CEP83: variants seen among roughly 807,000 people sequenced by gnomAD.
CEP83 encodes centrosomal protein of 83 kDa.
CEP83 carries 70 observed loss-of-function variants against 101.9 expected under a neutral mutation model. That is an observed-to-expected ratio of 0.69 (90% CI 0.57 to 0.84). The LOEUF (loss-of-function observed/expected upper bound fraction) is 0.84. CEP83 is among the 40% of genes least tolerant of loss of function. The probability of loss-of-function intolerance (pLI) is 0.00; values close to 1 mark genes in which losing one functional copy is unlikely to be tolerated. For synonymous variants in CEP83, 264 were observed against 267.9 expected, an observed-to-expected ratio of 0.99 and a Z score of 0.14; for missense variants, 715 against 787.2, an observed-to-expected ratio of 0.91 and a Z score of 1.10.
At chr12:94,360,145 T>C (rs1471026901) in intron 11 of CEP83, among the ~76,000 whole-genome samples, 3 of 152,112 alleles carry the variant, frequency 2.0e-5, no homozygotes, top group African/African-American at 7.2e-5. Context: ...GAATACCATA[T>C]ATGACAAAAC....
intron 6 of CEP83, among the ~76,000 whole-genome samples, chr12:94,385,511 T>C (rs1481288136): frequency 6.6e-6 from 1 of 152,140 alleles, no homozygotes; most frequent in Non-Finnish European, 1.5e-5. Context: ...TGTCTTTGTC[T>C]GGTTTTGGTA....
At chr12:94,407,436 G>A (rs550350639) in intron 4 of CEP83, among the ~76,000 whole-genome samples, 1 of 152,308 alleles carries the variant, frequency 6.6e-6, no homozygotes, top group South Asian at 2.1e-4. Flanking sequence ...GTAGAGTGAT[G>A]TAGCTGCACA....
chr12:94,370,110 G>A, intron 8 of CEP83, 74 bp from the exon 9 acceptor site: 1 of 835,286 alleles, frequency 1.2e-6, no homozygotes. Context: ...AAACATAAGT[G>A]GAAACAAGAA....
chr12:94,275,370 G>A, the CEP83 span, among the ~76,000 whole-genome samples: 3 of 152,190 alleles, frequency 2.0e-5, no homozygotes, highest in Non-Finnish European at 2.9e-5. Context: ...GAGAGATGGC[G>A]CTTCCATCGA....
At chr12:94,399,384 T>A (rs2063112560) in intron 6 of CEP83, among the ~76,000 whole-genome samples, 1 of 152,208 alleles carries the variant, frequency 6.6e-6, no homozygotes, top group African/African-American at 2.4e-5. Context: ...ATAAATTCAC[T>A]TATCTTGTGC....
At chr12:94,373,085 T>C (rs1409479822) in intron 8 of CEP83, among the ~76,000 whole-genome samples, 2 of 152,220 alleles carry the variant, frequency 1.3e-5, no homozygotes, top group African/African-American at 2.4e-5. Context: ...GTTCTTAATC[T>C]TCTTTGTGAT....
At chr12:94,349,317 A>G (rs377408007) in intron 11 of CEP83, among the ~76,000 whole-genome samples, 1 of 151,530 alleles carries the variant, frequency 6.6e-6, no homozygotes, top group African/African-American at 2.4e-5. Flanking sequence ...AAAAGTTTGT[A>G]GAATCCCGAA....
At chr12:94,290,144 T>C in the CEP83 span, among the ~76,000 whole-genome samples, 1 of 152,210 alleles carries the variant, frequency 6.6e-6, no homozygotes, top group African/African-American at 2.4e-5. Flanking sequence ...ATGGGAGACA[T>C]TTGGGATTCA....
At chr12:94,398,525 G>A (rs2063043181) in intron 6 of CEP83, among the ~76,000 whole-genome samples, 1 of 152,106 alleles carries the variant, frequency 6.6e-6, no homozygotes, top group Admixed American at 6.5e-5. Flanking sequence ...ATAAGCTGAG[G>A]ATGTACATCA....
intron 11 of CEP83, among the ~76,000 whole-genome samples, chr12:94,339,529 C>CATCT (rs1417470172): frequency 1.3e-5 from 2 of 152,144 alleles, no homozygotes; most frequent in African/African-American, 2.4e-5. Flanking sequence ...TTTCAACAGT[C>CATCT]ATCTGTGACT....
intron 1 of CEP83, among the ~76,000 whole-genome samples, chr12:94,438,790 A>G (rs1416027129): frequency 6.6e-6 from 1 of 152,252 alleles, no homozygotes; most frequent in African/African-American, 2.4e-5. Flanking sequence ...ACAAGTCTCA[A>G]TAAATTTAAG....
chr12:94,304,028 T>TA, downstream of CEP83: 1 of 1,569,006 alleles, frequency 6.4e-7, no homozygotes, highest in Non-Finnish European at 8.8e-7. Flanking sequence ...AATTTACAAA[T>TA]ACATCGTAAA....
intron 6 of CEP83, among the ~76,000 whole-genome samples, chr12:94,380,424 A>C (rs545340010): frequency 6.6e-6 from 1 of 152,292 alleles, no homozygotes; most frequent in East Asian, 1.9e-4. Flanking sequence ...TGGCATTTAG[A>C]GTTAAGTCCT....
At chr12:94,333,756 C>A (rs1178473199) in intron 12 of CEP83, 117 bp from the exon 13 acceptor site, 4 of 883,536 alleles carry the variant, frequency 4.5e-6, no homozygotes, top group Non-Finnish European at 6.9e-6. Context: ...GCTGGTGTGT[C>A]CTTGGAGATG....
At position 94,331,803 on chromosome 12, in the gene CEP83, C is replaced by A. The variant is rs1593201543; in HGVS notation, c.1604G>T (p.Trp535Leu). The A allele has an allele frequency of 5.6e-6, 9 of 1,613,014 alleles. No individual in the cohort carries two copies. Among genetic ancestry groups the A allele is most frequent in the African/African-American group, 1.3e-5 (1 of 75,020 alleles). The change falls in exon 14 of 17, where the codon TGG (tryptophan) becomes TTG (leucine). Residue 535 changes from tryptophan to leucine, a missense_variant. By Grantham distance (61) the Trp-to-Leu change is moderately conservative. Transcript: ENST00000397809. ...ATGAAGCTTATGCTTTTCTTCCAAC[C>A]ACTGTATCTGTTTCTCTTCCAATGT... ...EKTLEEKQIQ[W>L]LEEKHKLHER...
At chr12:94,398,282 AG>A (rs1474068067) in intron 6 of CEP83, among the ~76,000 whole-genome samples, 1 of 152,188 alleles carries the variant, frequency 6.6e-6, no homozygotes, top group Non-Finnish European at 1.5e-5. Context: ...GTGGGCTGGG[AG>A]TTGGTATATC....
chr12:94,406,562 A>G (rs1663643810), intron 4 of CEP83, among the ~76,000 whole-genome samples: 1 of 152,130 alleles, frequency 6.6e-6, no homozygotes, highest in Admixed American at 6.5e-5. Flanking sequence ...TTTATTGTAC[A>G]GTTATTGTAA....
At chr12:94,303,749 T>TTA, downstream of CEP83, 14 of 1,344,358 alleles carry the variant, frequency 1.0e-5, no homozygotes, top group South Asian at 1.8e-5. Flanking sequence ...TTTTTTTTTT[T>TTA]CCCCAGGAAG....
In CEP83 at chr12:94,347,563, A is replaced by T. The variant is rs189906964; in HGVS notation, c.1344-11899T>A. Among the ~76,000 whole-genome samples, 89 of 152,370 alleles carry T rather than the reference A, an allele frequency of 5.8e-4. No individual in the cohort carries two copies. In the East Asian group the frequency reaches 0.015, roughly 26 times the overall value. On this transcript the variant is annotated intron_variant, in intron 11 of 16. Transcript: ENST00000397809. ...TTAGTAATCCCATTTCTAGGTATTT[A>T]ACAAGGAGAAATAAAAACATATTTC... is the stretch of plus-strand genomic sequence containing the variant.
Sources: allele counts gnomAD v4.1 joint callset (sites outside exome capture counted in the v4.1 genomes callset), GRCh38; gene constraint gnomAD v4.1.1; transcripts MANE v1.5; gene names NCBI Gene and HGNC (gene_info 2026-07-23, HGNC 2026-07-21).